NAV3: variants seen among roughly 807,000 people sequenced by gnomAD.
The protein encoded by NAV3 is neuron navigator 3, also known as pore membrane and/or filament interacting like protein 1.
Under a neutral mutation model 244.7 loss-of-function variants are expected in NAV3, and 87 were observed. The observed-to-expected ratio is 0.36, with a 90% CI of 0.30 to 0.42. The LOEUF (loss-of-function observed/expected upper bound fraction) is 0.42. Among genes scored for constraint, NAV3 ranks in the 20% least tolerant of loss-of-function variants. The pLI, the probability that NAV3 is intolerant of heterozygous loss-of-function variation, is 1.00. For synonymous variants in NAV3, 1,126 were observed against 1,042.2 expected, an observed-to-expected ratio of 1.08 and a Z score of -1.55; for missense variants, 2,663 against 2,893.3, an observed-to-expected ratio of 0.92 and a Z score of 1.83.
intron 2 of NAV3, among the ~76,000 whole-genome samples, chr12:77,573,149 G>T (rs1263195831): frequency 6.6e-6 from 1 of 152,116 alleles, no homozygotes; most frequent in Non-Finnish European, 1.5e-5. Flanking sequence ...GTTAGATGTG[G>T]ATCTAAGGGC....
chr12:78,179,330 A>C (rs528349800), intron 28 of NAV3, 199 bp from the exon 29 acceptor site: 7 of 481,924 alleles, frequency 1.5e-5, no homozygotes, highest in African/African-American at 8.0e-5. Context: ...AAAGATTAAA[A>C]GAAAAAGCTA....
upstream of NAV3, among the ~76,000 whole-genome samples, chr12:77,826,160 TTTGAG>T (rs1592716318): frequency 2.0e-5 from 3 of 152,282 alleles, no homozygotes; most frequent in East Asian, 1.9e-4. Context: ...AGAGATACCC[TTTGAG>T]TTATTTGTCC....
intron 7 of NAV3, among the ~76,000 whole-genome samples, chr12:78,000,606 C>G (rs1220269067): frequency 2.2e-4 from 31 of 141,620 alleles, no homozygotes; most frequent in African/African-American, 7.3e-4. Flanking sequence ...CGGGTTCACG[C>G]CATTCACCTG....
chr12:78,177,247 C>G lies in NAV3; in HGVS notation c.5231C>G (p.Pro1744Arg), dbSNP rs1958271953. The change falls in exon 27 of 40, where the codon CCC (proline) becomes CGC (arginine). Residue 1744 changes from proline (P) to arginine (R), a missense_variant. Pro to Arg is a moderately radical substitution (Grantham distance 103). This residue lies in a region of NAV3 where 193 missense variants were observed against 200.7 expected (regional missense o/e 0.96). Transcript: ENST00000397909. Reference protein sequence around the residue: ...ELTDSSLPASPKLPHNAGDCG... With the variant: ...ELTDSSLPASRKLPHNAGDCG... Reference sequence around the variant, plus strand: ...ACTGATTCATCCCTTCCGGCATCCCCCAAGTTACCCCATAATGCTGGTGAC... The same window carrying G: ...ACTGATTCATCCCTTCCGGCATCCCGCAAGTTACCCCATAATGCTGGTGAC... 5 of 1,613,492 alleles carry G rather than the reference C, an allele frequency of 3.1e-6. No individual in the cohort carries two copies. In the African/African-American group the frequency reaches 4.0e-5, roughly 13 times the overall value.
chr12:77,765,529 G>A (rs1460032461), intron 2 of NAV3, among the ~76,000 whole-genome samples: 1 of 152,124 alleles, frequency 6.6e-6, no homozygotes, highest in Non-Finnish European at 1.5e-5. Context: ...ACTCAGTTAA[G>A]GTGATTTTTA....
intron 12 of NAV3, among the ~76,000 whole-genome samples, chr12:78,099,237 A>G (rs191142218): frequency 7.8e-4 from 119 of 151,636 alleles, no homozygotes; most frequent in South Asian, 2.3e-3. Context: ...AATAGTCCAT[A>G]TGATATAATT....
chr12:78,197,785 A>G (rs1400277042), intron 35 of NAV3, among the ~76,000 whole-genome samples: 1 of 151,956 alleles, frequency 6.6e-6, no homozygotes, highest in East Asian at 1.9e-4. Flanking sequence ...TACTTCCTTG[A>G]TGATGTTAGC....
At chr12:77,625,358 T>TTTTTAAAAAGCAATTTTTTTAAAAACTA (rs1158207781) in intron 2 of NAV3, among the ~76,000 whole-genome samples, 1 of 152,176 alleles carries the variant, frequency 6.6e-6, no homozygotes, top group Admixed American at 6.5e-5. Flanking sequence ...CTAATTGCTT[T>TTTTTAAAAAGCAATTTTTTTAAAAACTA]TAGTTTTTAA....
intron 2 of NAV3, among the ~76,000 whole-genome samples, chr12:77,694,508 T>C (rs932213396): frequency 6.6e-5 from 10 of 151,766 alleles, no homozygotes; most frequent in African/African-American, 2.4e-4. Context: ...TCTTCTTCCT[T>C]TGAAGCTATA....
At chr12:77,926,075 G>T (rs1888186285) in intron 1 of NAV3, among the ~76,000 whole-genome samples, 1 of 152,078 alleles carries the variant, frequency 6.6e-6, no homozygotes, top group Admixed American at 6.5e-5. Context: ...ACTGATGGCT[G>T]GATTAGTACT....
chr12:77,957,725 G>A lies in NAV3; in HGVS notation c.415-8504G>A, dbSNP rs368378348. 6.6e-4 allele frequency among the ~76,000 whole-genome samples: 101 copies of A among 152,052 alleles called. 1 individual carries two copies. The highest frequency in any genetic ancestry group is 1.9e-3 in the African/African-American group (78 of 41,482). On this transcript the variant is annotated intron_variant, in intron 3 of 39. Coordinates refer to ENST00000397909, the MANE Select transcript of NAV3 (RefSeq NM_001024383.2). The stretch of plus-strand genomic sequence containing the variant: ...TGTCCCCCTGGCTGGAGTGTAGTGG[G>A]GTGATCTCGGCTCGCTGCAACCTTT...
At chr12:77,997,237 CAAAAAA>C (rs139557569) in intron 6 of NAV3, among the ~76,000 whole-genome samples, 2 of 78,728 alleles carry the variant, frequency 2.5e-5, no homozygotes, top group Admixed American at 1.5e-4. Context: ...CACCCTGTCT[CAAAAAA>C]AAAAAAAAAA....
chr12:78,207,708 T>C (rs1423415038), intron 39 of NAV3, among the ~76,000 whole-genome samples: 3 of 152,180 alleles, frequency 2.0e-5, no homozygotes, highest in Non-Finnish European at 4.4e-5. Flanking sequence ...CAGTTGGTGG[T>C]AGGAATTAAA....
At chr12:77,645,535 C>A (rs74104970) in intron 2 of NAV3, among the ~76,000 whole-genome samples, 32 of 69,270 alleles carry the variant, frequency 4.6e-4, no homozygotes, top group South Asian at 8.8e-4. Flanking sequence ...CTCTCTCTCT[C>A]TAAAAAAAAA....
chr12:78,125,519 G>T (rs1471660973), intron 16 of NAV3, among the ~76,000 whole-genome samples: 1 of 152,056 alleles, frequency 6.6e-6, no homozygotes, highest in South Asian at 2.1e-4. Context: ...TAAATAATTT[G>T]TAGTAACCAA....
chr12:78,188,639 A>G lies in NAV3; in HGVS notation c.5917A>G (p.Ser1973Gly), dbSNP rs1958834581. The G allele has an allele frequency of 6.2e-7, 1 of 1,611,654 alleles. No homozygotes were observed. Among genetic ancestry groups the G allele is most frequent in the Non-Finnish European group, 8.5e-7 (1 of 1,178,766 alleles). ...EYVFRIDTST[S>G]LGLSSDCIAS... ...TGTATTCCGAATTGATACATCCACT[A>G]GCCTTGGTCTGAGCTCTGACTGCAT... Residue 1973 changes from serine to glycine, a missense_variant, in exon 33 of 40, where the codon AGC becomes GGC. By Grantham distance (56) the Ser-to-Gly change is moderately conservative. Transcript: ENST00000397909.
intron 2 of NAV3, among the ~76,000 whole-genome samples, chr12:77,806,521 G>T (rs1264631410): frequency 6.6e-6 from 1 of 152,180 alleles, no homozygotes; most frequent in Non-Finnish European, 1.5e-5. Flanking sequence ...TTGCACTGTT[G>T]TCTGAGAGAC....
intron 2 of NAV3, among the ~76,000 whole-genome samples, chr12:77,786,121 C>T (rs575586165): frequency 1.3e-5 from 2 of 152,042 alleles, no homozygotes; most frequent in African/African-American, 2.4e-5. Flanking sequence ...TGCCAAATAG[C>T]GCCTCTTAAA....
chr12:77,831,484 C>T lies in NAV3; in HGVS notation c.23C>T (p.Ser8Leu). Residue 8 changes from serine (S) to leucine (L), a missense_variant, in exon 1 of 40, where the codon TCA becomes TTA. Around this residue, in one of 6 missense-constraint regions of NAV3, gnomAD observed 1,521 missense variants for 1,497.0 expected, o/e 1.02. Coordinates refer to ENST00000397909, the MANE Select transcript of NAV3 (RefSeq NM_001024383.2). The part of the protein sequence containing the change: MPVLGVA[S>L]KLRQPAVGSK... ...GCCATGCCTGTTCTTGGGGTTGCCT[C>T]AAAACTGAGGCAGCCAGCTGTTGGG... is the stretch of plus-strand genomic sequence containing the variant. 6.2e-7 allele frequency: 1 copy of T among 1,607,492 alleles called. No individual in the cohort carries two copies. The highest frequency in any genetic ancestry group is 8.5e-7 in the Non-Finnish European group (1 of 1,178,280).
Sources: gnomAD v4.1 joint callset for allele counts (sites outside exome capture counted in the v4.1 genomes callset) on GRCh38, gnomAD v4.1.1 for gene constraint, gnomAD v4.1.1 regional missense constraint, MANE v1.5 for transcripts, NCBI Gene and HGNC (gene_info 2026-07-23, HGNC 2026-07-21) for gene names.